RBPMS2: variants seen among roughly 807,000 people sequenced by gnomAD.
RBPMS2 encodes RNA-binding protein with multiple splicing 2.
A neutral mutation model predicts 25.7 loss-of-function variants in RBPMS2; 14 were observed. The observed-to-expected ratio is 0.55, with a 90% confidence interval of 0.36 to 0.85. The LOEUF is 0.85. RBPMS2 is among the 40% of genes least tolerant of loss of function. RBPMS2 has a pLI of 0.01. For synonymous variants in RBPMS2, 127 were observed against 115.6 expected, an observed-to-expected ratio of 1.10 and a Z score of -0.63; for missense variants, 252 against 283.4, an observed-to-expected ratio of 0.89 and a Z score of 0.80.
At chr15:64,746,847 G>A (rs990215781) in intron 6 of RBPMS2, among the ~76,000 whole-genome samples, 1 of 152,158 alleles carries the variant, frequency 6.6e-6, no homozygotes, top group Non-Finnish European at 1.5e-5. Flanking sequence ...TAGCCAATTG[G>A]TGCCAAAGCT....
At chr15:64,743,246 T>C (rs2083580763) in intron 6 of RBPMS2, among the ~76,000 whole-genome samples, 1 of 152,200 alleles carries the variant, frequency 6.6e-6, no homozygotes, top group Admixed American at 6.5e-5. Flanking sequence ...CTTTCACCAC[T>C]GGGAAGCTAA....
intron 1 of RBPMS2, among the ~76,000 whole-genome samples, chr15:64,770,159 A>C (rs2083882761): frequency 6.6e-6 from 1 of 152,102 alleles, no homozygotes. Flanking sequence ...AGCCTGGGTG[A>C]CATGGCGAGA....
At chr15:64,773,741 C>A (rs2083907664) in intron 1 of RBPMS2, among the ~76,000 whole-genome samples, 1 of 152,098 alleles carries the variant, frequency 6.6e-6, no homozygotes, top group East Asian at 1.9e-4. Context: ...AGGAGACATG[C>A]TCTCCCCCAG....
intron 1 of RBPMS2, among the ~76,000 whole-genome samples, chr15:64,753,168 G>A (rs1456449652): frequency 1.3e-5 from 2 of 152,130 alleles, no homozygotes; most frequent in South Asian, 2.1e-4. Context: ...GTCCCTACAC[G>A]CTTGACTCCT....
At chr15:64,745,721 G>A (rs932862283) in intron 6 of RBPMS2, among the ~76,000 whole-genome samples, 2 of 152,156 alleles carry the variant, frequency 1.3e-5, no homozygotes, top group African/African-American at 4.8e-5. Flanking sequence ...CTATCAAGAG[G>A]GTTAGAAGGC....
intron 1 of RBPMS2, among the ~76,000 whole-genome samples, chr15:64,773,054 C>G (rs776501673): frequency 6.6e-6 from 1 of 152,178 alleles, no homozygotes; most frequent in Non-Finnish European, 1.5e-5. Flanking sequence ...GGTCTTACGG[C>G]GTGCAGCAGC....
At chr15:64,748,854 GGGGA>G in intron 5 of RBPMS2, 142 bp downstream of exon 5, 1 of 904,590 alleles carries the variant, frequency 1.1e-6, no homozygotes, top group Non-Finnish European at 1.7e-6. Context: ...GCAGGCTGCA[GGGGA>G]GGGAGGAAAA....
intron 1 of RBPMS2, among the ~76,000 whole-genome samples, chr15:64,769,424 CAA>C (rs11311509): frequency 6.8e-5 from 6 of 87,902 alleles, no homozygotes; most frequent in African/African-American, 1.4e-4. Context: ...AACTCCGTCT[CAA>C]AAAAAAAAAA....
intron 1 of RBPMS2, among the ~76,000 whole-genome samples, chr15:64,770,162 T>A (rs560990535): frequency 2.6e-5 from 4 of 151,716 alleles, no homozygotes; most frequent in Admixed American, 2.0e-4. Context: ...CTGGGTGACA[T>A]GGCGAGACTC....
chr15:64,749,697 C>T (rs576069037), intron 3 of RBPMS2, among the ~76,000 whole-genome samples: 1 of 152,318 alleles, frequency 6.6e-6, no homozygotes, highest in South Asian at 2.1e-4. Flanking sequence ...CACCAAAAGT[C>T]AAGTCTCCCT....
chr15:64,749,847 G>C (rs764918839), intron 3 of RBPMS2, among the ~76,000 whole-genome samples: 20 of 152,162 alleles, frequency 1.3e-4, no homozygotes, highest in Non-Finnish European at 2.9e-4. Context: ...AGCAAGAAAG[G>C]GGACACCAAT....
intron 2 of RBPMS2, among the ~76,000 whole-genome samples, chr15:64,750,650 AG>A (rs1389524597): frequency 7.9e-5 from 12 of 152,368 alleles, no homozygotes; most frequent in African/African-American, 2.9e-4. Context: ...TAGTAACCCG[AG>A]AGCACAGACC....
chr15:64,768,627 G>C (rs1245500959), intron 1 of RBPMS2, among the ~76,000 whole-genome samples: 1 of 150,734 alleles, frequency 6.6e-6, no homozygotes, highest in Non-Finnish European at 1.5e-5. Context: ...AACAAAGCAA[G>C]ACTCTGTCTC....
At chr15:64,775,160 A>T in intron 1 of RBPMS2, 73 bp downstream of exon 1, 2 of 799,742 alleles carry the variant, frequency 2.5e-6, no homozygotes, top group Non-Finnish European at 3.2e-6. Flanking sequence ...GAGGCGCGGC[A>T]GGCCCCGCTC....
intron 1 of RBPMS2, among the ~76,000 whole-genome samples, chr15:64,773,149 C>T (rs1392563773): frequency 6.6e-6 from 1 of 152,152 alleles, no homozygotes; most frequent in Non-Finnish European, 1.5e-5. Flanking sequence ...GGGAGTAAAC[C>T]ACTGCTAACG....
At chr15:64,748,934 C>G in intron 5 of RBPMS2, 66 bp downstream of exon 5, 1 of 1,569,580 alleles carries the variant, frequency 6.4e-7, no homozygotes. Context: ...CTTCCCTCTG[C>G]AAGAGCCTGC....
At chr15:64,774,424 T>A (rs1425014239) in intron 1 of RBPMS2, among the ~76,000 whole-genome samples, 3 of 151,800 alleles carry the variant, frequency 2.0e-5, no homozygotes, top group Non-Finnish European at 4.4e-5. Context: ...CGCACACACA[T>A]CCTCCCTACC....
At chr15:64,775,110 G>A (rs1016584740) in intron 1 of RBPMS2, 123 bp downstream of exon 1, 96 of 431,656 alleles carry the variant, frequency 2.2e-4, no homozygotes, top group African/African-American at 1.9e-3. Context: ...AGAGGGCAGC[G>A]GCGGGAAGGC....
rs557899173 is a variant in RBPMS2 at position 64,761,996 on chromosome 15, C to T, written c.88-10358G>A. On this transcript the variant is annotated intron_variant, in intron 1 of 7. Coordinates refer to ENST00000300069, the MANE Select transcript of RBPMS2 (RefSeq NM_194272.3). Reference sequence around the variant, plus strand: ...AAGTGCTGGGATTACAAGCATGAGCCACTGTGCCCAACTCCCGGCTAATTT... The same window carrying T: ...AAGTGCTGGGATTACAAGCATGAGCTACTGTGCCCAACTCCCGGCTAATTT... 3.3e-4 allele frequency among the ~76,000 whole-genome samples: 50 copies of T among 152,222 alleles called. No homozygotes were observed. In the South Asian group the frequency reaches 0.01, roughly 32 times the overall value.
Sources: allele counts gnomAD v4.1 joint callset (sites outside exome capture counted in the v4.1 genomes callset), GRCh38; gene constraint gnomAD v4.1.1; transcripts MANE v1.5; gene names NCBI Gene and HGNC (gene_info 2026-07-23, HGNC 2026-07-21).